The following MANBA variants were observed in gnomAD, a reference collection of about 807,000 sequenced individuals.
MANBA encodes beta-mannosidase.
A neutral mutation model predicts 111.1 loss-of-function variants in MANBA; 83 were observed. That is an observed-to-expected ratio of 0.75 (90% CI 0.63 to 0.90). The LOEUF (loss-of-function observed/expected upper bound fraction) is 0.90. MANBA is among the 40% of genes least tolerant of loss of function. The pLI is 0.00. For missense variants in MANBA, 1,036 were observed against 1,069.0 expected, an observed-to-expected ratio of 0.97 and a Z score of 0.43; for synonymous variants, 370 against 378.7, an observed-to-expected ratio of 0.98 and a Z score of 0.27.
At chr4:102,634,370 A>T (rs779512995) in intron 16 of MANBA, among the ~76,000 whole-genome samples, 1 of 152,252 alleles carries the variant, frequency 6.6e-6, no homozygotes, top group African/African-American at 2.4e-5. Flanking sequence ...CCTCGAGCTC[A>T]TCACTTAACC....
intron 10 of MANBA, chr4:102,665,083 C>T: frequency 2.0e-6 from 1 of 507,996 alleles, no homozygotes; most frequent in Non-Finnish European, 3.5e-6. Context: ...TTTCTCTTCT[C>T]TGCTATATAA....
At chr4:102,737,391 A>G (rs1482826491) in intron 1 of MANBA, among the ~76,000 whole-genome samples, 24 of 152,156 alleles carry the variant, frequency 1.6e-4, no homozygotes, top group Admixed American at 1.6e-3. Flanking sequence ...AGGAACTGAT[A>G]TAAAGTCAGT....
intron 7 of MANBA, among the ~76,000 whole-genome samples, chr4:102,689,233 C>CA (rs1732359351): frequency 6.6e-6 from 1 of 151,780 alleles, no homozygotes; most frequent in African/African-American, 2.4e-5. Context: ...CCTGTAATCC[C>CA]ATCTACTTGG....
intron 1 of MANBA, chr4:102,730,728 C>T (rs1325649258): frequency 1.9e-6 from 1 of 523,108 alleles, no homozygotes; most frequent in African/African-American, 1.9e-5. Flanking sequence ...CAGATAGATG[C>T]TTCTTCAACT....
chr4:102,725,921 A>G (rs1310846506), intron 2 of MANBA, among the ~76,000 whole-genome samples: 1 of 152,218 alleles, frequency 6.6e-6, no homozygotes, highest in Non-Finnish European at 1.5e-5. Flanking sequence ...TAGAATATAA[A>G]GTTAGTTTTA....
At chr4:102,667,047 C>T (rs894885673) in intron 10 of MANBA, 2 of 152,192 alleles carry the variant, frequency 1.3e-5, no homozygotes, top group East Asian at 3.8e-4. Flanking sequence ...CATTGACATC[C>T]TTATCTTTAT....
At chr4:102,692,615 CA>C (rs143121399) in intron 5 of MANBA, among the ~76,000 whole-genome samples, 2,193 of 152,098 alleles carry the variant, frequency 0.014, 20 homozygotes, top group African/African-American at 0.032. Context: ...CTTGGAGGTA[CA>C]GGGGGTTAGA....
Position 102,664,835 on chromosome 4 carries a change from A to T in MANBA, c.1335T>A (p.Ser445=), listed in dbSNP as rs779595099. 2.5e-6 allele frequency: 4 copies of T among 1,605,996 alleles called. No homozygotes were observed. The South Asian group carries it at 3.3e-5, about 13-fold the overall frequency. Residue 445 remains serine, a synonymous_variant, in exon 11 of 17, where the codon TCT becomes TCA. Coordinates refer to ENST00000647097, the MANE Select transcript of MANBA (RefSeq NM_005908.4). ...CACTCCATATGATGATAGAAGGATG[A>T]GATTTCAGTCTCTTGATCTGAAAAT... is the stretch of plus-strand genomic sequence containing the variant. ...EVAYQIKRLK[S]HPSIIIWSGN...
At chr4:102,730,219 C>T in intron 1 of MANBA, 1 of 600,634 alleles carries the variant, frequency 1.7e-6, no homozygotes, top group Non-Finnish European at 2.9e-6. Context: ...ATAGAGATCC[C>T]AGAAGGAGTG....
intron 2 of MANBA, among the ~76,000 whole-genome samples, chr4:102,724,691 C>T (rs1722726658): frequency 6.6e-6 from 1 of 152,200 alleles, no homozygotes; most frequent in Admixed American, 6.5e-5. Context: ...CTAAGCCTTA[C>T]AGGAAACTAT....
intron 4 of MANBA, among the ~76,000 whole-genome samples, chr4:102,715,787 T>C (rs1406744489): frequency 2.0e-5 from 3 of 152,224 alleles, no homozygotes; most frequent in African/African-American, 7.2e-5. Flanking sequence ...CAATATCCAA[T>C]ATATCCAATA....
intron 1 of MANBA, chr4:102,729,721 G>C: frequency 1.3e-6 from 2 of 1,505,532 alleles, no homozygotes; most frequent in South Asian, 2.2e-5. Context: ...AGAGTCTTCA[G>C]CTGCTGCCTA....
chr4:102,735,471 AAAAG>A lies in MANBA; in HGVS notation c.178-8792_178-8789del, dbSNP rs1435764932. Among the ~76,000 whole-genome samples the A allele has an allele frequency of 1.1e-4, 17 of 151,836 alleles. No homozygotes were observed. The East Asian group carries it at 1.9e-3, about 17-fold the overall frequency. On this transcript the variant is annotated intron_variant, in intron 1 of 16. Transcript: ENST00000647097. ...ACTGCATGCATGCTGAAAAAAAAAA[AAAAG>A]AAAGAAAAGTCTACTAAAAATTTTT...
intron 7 of MANBA, among the ~76,000 whole-genome samples, chr4:102,685,857 T>C (rs1002480950): frequency 2.0e-5 from 3 of 152,194 alleles, no homozygotes; most frequent in African/African-American, 7.2e-5. Context: ...AGTTCGTACA[T>C]AGTCTCTTCC....
At chr4:102,642,731 G>T (rs938312825) in intron 13 of MANBA, among the ~76,000 whole-genome samples, 3 of 152,178 alleles carry the variant, frequency 2.0e-5, no homozygotes, top group Non-Finnish European at 2.9e-5. Flanking sequence ...GAAGACCTAA[G>T]TTCCAGTTCC....
At chr4:102,727,676 A>C in intron 1 of MANBA, 1 of 1,340,298 alleles carries the variant, frequency 7.5e-7, no homozygotes, top group Non-Finnish European at 1.1e-6. Context: ...ACGCAGTCTC[A>C]GCAGAATCTC....
intron 11 of MANBA, among the ~76,000 whole-genome samples, chr4:102,661,700 G>A (rs1378957805): frequency 6.6e-6 from 1 of 152,182 alleles, no homozygotes; most frequent in Non-Finnish European, 1.5e-5. Context: ...TGGCTTTGAC[G>A]ATGCATTATA....
intron 16 of MANBA, among the ~76,000 whole-genome samples, chr4:102,634,336 C>T (rs1009621796): frequency 6.6e-6 from 1 of 152,224 alleles, no homozygotes; most frequent in African/African-American, 2.4e-5. Flanking sequence ...GTCAGCTGGG[C>T]TCCAATGCTT....
Position 102,668,857 on chromosome 4 carries a change from A to T in MANBA, c.1317+106T>A, listed in dbSNP as rs74842201. On this transcript the variant is annotated intron_variant, in intron 10 of 16. Coordinates refer to ENST00000647097, the MANE Select transcript of MANBA (RefSeq NM_005908.4). ...CAATTACCTGGCTGTGTAATTTTTC[A>T]TGGGATTTAGTAGAGAACAAAAACC... The T allele has an allele frequency of 0.016, 13,973 of 873,350 alleles. 1,064 individuals are homozygous for T. The African/African-American group carries it at 0.18, about 11-fold the overall frequency. The allele number at this position is 873,350 out of a possible 1,614,324, so 54.1% of individuals were successfully genotyped here. A position where few individuals can be genotyped will look rare whatever the true frequency, so the allele number is the denominator to read the frequency against.
Sources: allele counts gnomAD v4.1 joint callset (sites outside exome capture counted in the v4.1 genomes callset), GRCh38; gene constraint gnomAD v4.1.1; transcripts MANE v1.5; gene names NCBI Gene and HGNC (gene_info 2026-07-23, HGNC 2026-07-21).